Variants in CDH12 observed in about 807,000 individuals in gnomAD.
The protein encoded by CDH12 is cadherin-12.
A neutral mutation model predicts 74.1 loss-of-function variants in CDH12; 41 were observed. The observed-to-expected ratio is 0.55, with a 90% CI of 0.43 to 0.72. The LOEUF is 0.72. Ranked by LOEUF, CDH12 falls within the 30% of genes least tolerant of loss-of-function variation. CDH12 has a pLI of 0.00. For missense variants in CDH12, 945 were observed against 977.2 expected, an observed-to-expected ratio of 0.97 and a Z score of 0.44; for synonymous variants, 399 against 355.0, an observed-to-expected ratio of 1.12 and a Z score of -1.39.
At chr5:21,846,240 C>T (rs1750160591) in intron 7 of CDH12, among the ~76,000 whole-genome samples, 1 of 152,178 alleles carries the variant, frequency 6.6e-6, no homozygotes, top group African/African-American at 2.4e-5. Flanking sequence ...GTAAATCAGA[C>T]ATCACCTCCT....
At chr5:22,782,586 T>C (rs1343441220) in intron 1 of CDH12, among the ~76,000 whole-genome samples, 1 of 152,164 alleles carries the variant, frequency 6.6e-6, no homozygotes, top group Non-Finnish European at 1.5e-5. Flanking sequence ...GTAATATCTT[T>C]ACAGAAGTGT....
At chr5:22,537,309 C>A (rs1737894901) in intron 1 of CDH12, among the ~76,000 whole-genome samples, 1 of 152,148 alleles carries the variant, frequency 6.6e-6, no homozygotes, top group Admixed American at 6.5e-5. Context: ...AAATTCACTC[C>A]AGTCGGCATA....
intron 3 of CDH12, among the ~76,000 whole-genome samples, chr5:22,380,568 T>C (rs1741718062): frequency 2.0e-5 from 3 of 152,194 alleles, no homozygotes; most frequent in South Asian, 4.1e-4. Flanking sequence ...ACTTTCATAA[T>C]AGAATTAATT....
At chr5:22,435,492 A>ATG (rs1433871582) in intron 2 of CDH12, among the ~76,000 whole-genome samples, 1 of 66,950 alleles carries the variant, frequency 1.5e-5, no homozygotes, top group Non-Finnish European at 2.9e-5. Context: ...ATGTATGTGT[A>ATG]TATATATGTG....
chr5:21,886,550 A>T (rs916672997), intron 6 of CDH12, among the ~76,000 whole-genome samples: 1 of 146,892 alleles, frequency 6.8e-6, no homozygotes, highest in Non-Finnish European at 1.5e-5. Context: ...AATATATATA[A>T]ATATATATAA....
At chr5:22,691,491 C>T (rs1742080362) in intron 1 of CDH12, among the ~76,000 whole-genome samples, 2 of 152,194 alleles carry the variant, frequency 1.3e-5, no homozygotes, top group Admixed American at 1.3e-4. Context: ...AAAATTGCAT[C>T]ATAATACCTA....
chr5:22,633,577 G>A (rs1738688756), intron 1 of CDH12, among the ~76,000 whole-genome samples: 1 of 152,122 alleles, frequency 6.6e-6, no homozygotes, highest in South Asian at 2.1e-4. Flanking sequence ...GTTGTGGTGG[G>A]CCTCATCCCA....
chr5:22,665,283 A>G (rs1260695024), intron 1 of CDH12, among the ~76,000 whole-genome samples: 1 of 152,160 alleles, frequency 6.6e-6, no homozygotes, highest in Non-Finnish European at 1.5e-5. Context: ...TTGATTGTAT[A>G]TGTTTTCATC....
intron 1 of CDH12, among the ~76,000 whole-genome samples, chr5:22,714,213 C>T (rs757554535): frequency 2.0e-5 from 3 of 152,116 alleles, no homozygotes; most frequent in Admixed American, 6.5e-5. Flanking sequence ...TAATGCAGAG[C>T]GATTTGGGCA....
intron 7 of CDH12, among the ~76,000 whole-genome samples, chr5:21,845,206 A>G (rs1287621560): frequency 6.6e-6 from 1 of 152,150 alleles, no homozygotes; most frequent in African/African-American, 2.4e-5. Flanking sequence ...ACATGAATAA[A>G]TATATGTAAA....
rs891825053 is a variant in CDH12 at position 22,230,573 on chromosome 5, C to T, written c.-332-17930G>A. Among the ~76,000 whole-genome samples the T allele has an allele frequency of 4.6e-5, 7 of 150,676 alleles. No homozygotes were observed. The Admixed American group carries it at 4.7e-4, about 10-fold the overall frequency. On this transcript the variant is annotated intron_variant, in intron 3 of 14. Transcript: ENST00000382254. ...GGCAACCTCCACCTCCCGGTTTAAG[C>T]GATTCTCCTGCCCCAGCCTCCCGAG... is the stretch of plus-strand genomic sequence containing the variant.
chr5:21,811,369 T>A (rs990926272), intron 9 of CDH12, among the ~76,000 whole-genome samples: 1 of 152,060 alleles, frequency 6.6e-6, no homozygotes, highest in African/African-American at 2.4e-5. Flanking sequence ...ATTATTTAAA[T>A]TTTGCAATCA....
chr5:22,113,566 T>C (rs538518253), intron 4 of CDH12, among the ~76,000 whole-genome samples: 1 of 152,172 alleles, frequency 6.6e-6, no homozygotes, highest in African/African-American at 2.4e-5. Context: ...CCAATGTATT[T>C]CTTAAATATA....
intron 1 of CDH12, among the ~76,000 whole-genome samples, chr5:22,628,086 G>A (rs554580251): frequency 6.6e-6 from 1 of 152,078 alleles, no homozygotes; most frequent in South Asian, 2.1e-4. Flanking sequence ...CAACAAAGGA[G>A]CACCAAGATT....
chr5:22,833,693 T>C (rs1736712086), intron 1 of CDH12, among the ~76,000 whole-genome samples: 1 of 152,224 alleles, frequency 6.6e-6, no homozygotes, highest in Non-Finnish European at 1.5e-5. Flanking sequence ...TATATTCTTT[T>C]CTTTTAGGAG....
chr5:22,212,621 T>C lies in CDH12; in HGVS notation c.-310A>G, dbSNP rs1751606526. Reference sequence around the variant, plus strand: ...AGCTGCATCCTGTGCTCCTTTTCCCTGTTATGTTGAGCTCCTCACTGTCTA... The same window carrying C: ...AGCTGCATCCTGTGCTCCTTTTCCCCGTTATGTTGAGCTCCTCACTGTCTA... On this transcript the variant is annotated 5_prime_UTR_variant, in exon 4 of 15. Coordinates refer to ENST00000382254, the MANE Select transcript of CDH12 (RefSeq NM_004061.5). 1.0e-6 allele frequency: 1 copy of C among 985,368 alleles called. No individual in the cohort carries two copies. The highest frequency in any genetic ancestry group is 1.2e-6 in the Non-Finnish European group (1 of 829,472). The allele number at this position is 985,368 out of a possible 1,614,324, so 61.0% of individuals were successfully genotyped here.
chr5:22,283,457 A>T (rs1050876518), intron 3 of CDH12, among the ~76,000 whole-genome samples: 5 of 151,616 alleles, frequency 3.3e-5, no homozygotes, highest in Non-Finnish European at 5.9e-5. Flanking sequence ...GAGGAAATAT[A>T]TTCAGTTGCA....
At chr5:22,470,699 T>A (rs1745922996) in intron 2 of CDH12, among the ~76,000 whole-genome samples, 1 of 152,138 alleles carries the variant, frequency 6.6e-6, no homozygotes, top group Non-Finnish European at 1.5e-5. Flanking sequence ...ATTACAAGCA[T>A]GAGCCACCTT....
chr5:22,651,408 C>T (rs1222884750), intron 1 of CDH12, among the ~76,000 whole-genome samples: 2 of 152,048 alleles, frequency 1.3e-5, no homozygotes, highest in African/African-American at 4.8e-5. Context: ...CCTCAGGAAA[C>T]TTACAGTGAT....
Sources: gnomAD v4.1 joint callset for allele counts (sites outside exome capture counted in the v4.1 genomes callset) on GRCh38, gnomAD v4.1.1 for gene constraint, MANE v1.5 for transcripts, NCBI Gene and HGNC (gene_info 2026-07-23, HGNC 2026-07-21) for gene names.